The following BMP8A variants were observed in gnomAD, a reference collection of about 807,000 sequenced individuals.
BMP8A encodes the protein BMP-8A.
In BMP8A, 14 loss-of-function variants were observed where a neutral mutation model predicts 36.8. The ratio of observed to expected loss-of-function variants is 0.38; its 90% CI spans 0.25 to 0.60. The LOEUF (loss-of-function observed/expected upper bound fraction) is 0.60. BMP8A is among the 20% of genes least tolerant of loss of function. BMP8A has a pLI of 0.63. For synonymous variants in BMP8A, 120 were observed against 237.7 expected, an observed-to-expected ratio of 0.50 and a Z score of 4.55; for missense variants, 267 against 551.1, an observed-to-expected ratio of 0.48 and a Z score of 5.16.
chr1:39,504,566 G>A (rs1461616705), intron 1 of BMP8A, among the ~76,000 whole-genome samples: 1 of 152,220 alleles, frequency 6.6e-6, no homozygotes. Flanking sequence ...CTTAATCTCA[G>A]GGTCGTGGGT....
chr1:39,526,355 T>C lies in BMP8A; in HGVS notation c.*557T>C, dbSNP rs79642025. 4.0e-5 allele frequency among the ~76,000 whole-genome samples: 6 copies of C among 149,682 alleles called. No individual in the cohort carries two copies. Among genetic ancestry groups the C allele is most frequent in the East Asian group, 3.9e-4 (2 of 5,146 alleles). ...CCACTGGGGATTTTTTTTTTTTTTTTCCAGATAGAGTCTCACTCTGTCACC... is the reference window on the plus strand; with the variant it reads ...CCACTGGGGATTTTTTTTTTTTTTTCCCAGATAGAGTCTCACTCTGTCACC... On this transcript the variant is annotated 3_prime_UTR_variant, in exon 7 of 7. Transcript: ENST00000331593.
chr1:39,509,314 A>C (rs1645330439), intron 1 of BMP8A, among the ~76,000 whole-genome samples: 1 of 152,134 alleles, frequency 6.6e-6, no homozygotes, highest in African/African-American at 2.4e-5. Flanking sequence ...ACACAGGGGG[A>C]TCTGCAGTTC....
At chr1:39,502,229 C>T (rs1325682600) in intron 1 of BMP8A, among the ~76,000 whole-genome samples, 1 of 106,020 alleles carries the variant, frequency 9.4e-6, no homozygotes, top group East Asian at 2.6e-4. Flanking sequence ...CAGAGTGAGA[C>T]TGTCTCAAAA....
intron 1 of BMP8A, among the ~76,000 whole-genome samples, chr1:39,495,311 G>A (rs555009263): frequency 6.6e-6 from 1 of 152,316 alleles, no homozygotes; most frequent in Non-Finnish European, 1.5e-5. Flanking sequence ...TCAGGCCTCC[G>A]TGCAGAGCAG....
At chr1:39,523,554 T>C in intron 6 of BMP8A, 2 of 1,381,706 alleles carry the variant, frequency 1.4e-6, no homozygotes, top group South Asian at 1.7e-5. Context: ...GCGTGTGCAC[T>C]CACCCACCTG....
At chr1:39,499,013 G>A (rs1345838267) in intron 1 of BMP8A, among the ~76,000 whole-genome samples, 1 of 152,260 alleles carries the variant, frequency 6.6e-6, no homozygotes, top group Non-Finnish European at 1.5e-5. Context: ...GGGCACCCCC[G>A]CTCTGGGGCC....
rs1284015906 is a variant in BMP8A, at chr1:39,523,000, C to T, written c.949-7C>T. 6.3e-7 allele frequency: 1 copy of T among 1,599,924 alleles called. No homozygotes were observed. The highest frequency in any genetic ancestry group is 1.1e-5 in the South Asian group (1 of 88,850). ...GGATGGGACTCACCTTCTCCCTTGC[C>T]CCCCAGGACTGGGTCATCGCCCCCC... On this transcript the variant is annotated splice_region_variant and splice_polypyrimidine_tract_variant and intron_variant, in intron 5 of 6. Transcript: ENST00000331593.
chr1:39,501,142 C>T (rs117075447), intron 1 of BMP8A, among the ~76,000 whole-genome samples: 2 of 152,278 alleles, frequency 1.3e-5, no homozygotes, highest in East Asian at 3.9e-4. Flanking sequence ...CCTCCCCCAT[C>T]TAGGGAACTA....
intron 1 of BMP8A, among the ~76,000 whole-genome samples, chr1:39,508,328 G>A (rs1464485119): frequency 1.3e-5 from 2 of 152,004 alleles, no homozygotes; most frequent in African/African-American, 4.8e-5. Flanking sequence ...AGTTTCAGAC[G>A]TGGTCTTCTG....
intron 1 of BMP8A, among the ~76,000 whole-genome samples, chr1:39,507,645 G>A (rs1056232234): frequency 6.6e-6 from 1 of 152,162 alleles, no homozygotes; most frequent in African/African-American, 2.4e-5. Flanking sequence ...AGGTGCTGCC[G>A]CTCAGCCAGG....
rs528644462 is a variant in BMP8A, at chr1:39,529,612, A to G, written c.*3814A>G. On this transcript the variant is annotated 3_prime_UTR_variant, in exon 7 of 7. Transcript: ENST00000331593. ...ATTTTTTCTCACGTAAGAAAATGTTATCTGTGTGCTGGGGAAAATTTTGAA... is the reference window on the plus strand; with the variant it reads ...ATTTTTTCTCACGTAAGAAAATGTTGTCTGTGTGCTGGGGAAAATTTTGAA... Among the ~76,000 whole-genome samples, 1 of 152,332 alleles carries G rather than the reference A, an allele frequency of 6.6e-6. No homozygotes were observed. The highest frequency in any genetic ancestry group is 1.9e-4 in the East Asian group (1 of 5,188).
At chr1:39,504,855 CAT>C (rs1206434598) in intron 1 of BMP8A, among the ~76,000 whole-genome samples, 3 of 152,112 alleles carry the variant, frequency 2.0e-5, no homozygotes, top group African/African-American at 4.8e-5. Flanking sequence ...AGCAGGAAAA[CAT>C]GTGAGCAAAG....
At chr1:39,523,850 C>CTT (rs1291011149) in intron 6 of BMP8A, 1 of 542,648 alleles carries the variant, frequency 1.8e-6, no homozygotes, top group East Asian at 5.0e-5. Context: ...ATGTTTTCCT[C>CTT]TTAGGAGGTT....
At chr1:39,504,916 G>A (rs897631929) in intron 1 of BMP8A, among the ~76,000 whole-genome samples, 1 of 152,054 alleles carries the variant, frequency 6.6e-6, no homozygotes, top group Non-Finnish European at 1.5e-5. Flanking sequence ...GCCTCGATGT[G>A]CATGTAGGCC....
chr1:39,515,271 A>G, intron 3 of BMP8A: 1 of 1,285,770 alleles, frequency 7.8e-7, no homozygotes, highest in Non-Finnish European at 1.1e-6. Flanking sequence ...GCTGGCCGCC[A>G]GGCAGGTCCG....
rs1645466772 is a variant in BMP8A, at chr1:39,524,934, G to A, written c.1060-715G>A. On this transcript the variant is annotated intron_variant, in intron 6 of 6. Transcript: ENST00000331593. This position sits in a 1 kb window ranked among gnomAD's most constrained non-coding sequence, Gnocchi z 4.0. ...CTCTCAGGGAAGGGAGGAGGCGAAA[G>A]GAGTCATCCAGGAGGCCTCCCAGGC... 1 of 152,610 alleles carries A rather than the reference G, an allele frequency of 6.6e-6. No individual in the cohort carries two copies. Among genetic ancestry groups the A allele is most frequent in the Non-Finnish European group, 1.5e-5 (1 of 68,328 alleles). The allele number at this position is 152,610 out of a possible 1,614,324, so 9.5% of individuals were successfully genotyped here.
intron 1 of BMP8A, among the ~76,000 whole-genome samples, chr1:39,505,114 A>G (rs1477742150): frequency 2.0e-5 from 3 of 152,146 alleles, no homozygotes; most frequent in Admixed American, 1.3e-4. Context: ...TCTTATCTCA[A>G]CTGCAAAGAG....
At chr1:39,508,716 A>G (rs1368688721) in intron 1 of BMP8A, among the ~76,000 whole-genome samples, 1 of 152,164 alleles carries the variant, frequency 6.6e-6, no homozygotes, top group Admixed American at 6.5e-5. Flanking sequence ...CCAGCTCCAG[A>G]CCCACATGGC....
intron 1 of BMP8A, among the ~76,000 whole-genome samples, chr1:39,507,696 G>A (rs1000870005): frequency 2.0e-5 from 3 of 152,226 alleles, no homozygotes; most frequent in African/African-American, 7.2e-5. Context: ...ATGGGAAGGT[G>A]GGGGCTGGGC....
Sources: allele counts gnomAD v4.1 joint callset (sites outside exome capture counted in the v4.1 genomes callset), GRCh38; gene constraint gnomAD v4.1.1; non-coding constraint Gnocchi (gnomAD v3.1); transcripts MANE v1.5; gene names NCBI Gene and HGNC (gene_info 2026-07-23, HGNC 2026-07-21).